Variants in MINDY3 observed in about 807,000 individuals in gnomAD.
The protein encoded by MINDY3 is MINDY lysine 48 deubiquitinase 3.
A neutral mutation model predicts 69.2 loss-of-function variants in MINDY3; 38 were observed. The ratio of observed to expected loss-of-function variants is 0.55; its 90% confidence interval spans 0.42 to 0.72. MINDY3 has a LOEUF of 0.72. MINDY3 is among the 30% of genes least tolerant of loss of function. MINDY3 has a pLI of 0.00. For synonymous variants in MINDY3, 192 were observed against 180.1 expected (o/e 1.07, Z -0.53); for missense variants, 522 against 519.0 (o/e 1.01, Z -0.06).
Position 15,821,638 on chromosome 10 carries a change from C to T in MINDY3, c.801+18G>A, listed in dbSNP as rs369442931. 2 of 1,580,214 alleles carry T rather than the reference C, an allele frequency of 1.3e-6. No homozygotes were observed. The highest frequency in any genetic ancestry group is 2.7e-5 in the African/African-American group (2 of 73,378). ...ATCTAAACAAAAAACATTCAAAGTA[C>T]CTTAAAAATCAATTTACCTTACAGT... On this transcript the variant is annotated intron_variant, in intron 9 of 14. Coordinates refer to ENST00000277632, the MANE Select transcript of MINDY3 (RefSeq NM_024948.4).
intron 1 of MINDY3, among the ~76,000 whole-genome samples, chr10:15,850,085 C>T (rs1015307300): frequency 6.6e-6 from 1 of 152,178 alleles, no homozygotes; most frequent in Non-Finnish European, 1.5e-5. Flanking sequence ...TTTCTTACGC[C>T]TGTCTTTACT....
At chr10:15,809,693 A>G (rs1010417725) in intron 10 of MINDY3, among the ~76,000 whole-genome samples, 38 of 152,132 alleles carry the variant, frequency 2.5e-4, no homozygotes, top group Non-Finnish European at 4.9e-4. Context: ...TGCAGTTCCT[A>G]TAAGGTTCCT....
chr10:15,814,348 C>A (rs1216054627), intron 10 of MINDY3, among the ~76,000 whole-genome samples: 1 of 151,910 alleles, frequency 6.6e-6, no homozygotes, highest in Non-Finnish European at 1.5e-5. Flanking sequence ...ATAGATACTA[C>A]ACAATGAAGC....
chr10:15,789,061 CAATTT>C (rs998884532), intron 12 of MINDY3, 181 bp downstream of exon 12: 21 of 421,958 alleles, frequency 5.0e-5, no homozygotes, highest in African/African-American at 1.6e-4. Flanking sequence ...AAAGGAAACT[CAATTT>C]AAGTATGTCA....
At chr10:15,847,991 C>T (rs1443388450) in intron 1 of MINDY3, 48 bp from the exon 2 acceptor site, 2 of 1,442,820 alleles carry the variant, frequency 1.4e-6, no homozygotes, top group East Asian at 2.3e-5. Context: ...ATTCAAGTAG[C>T]AGCTAAAAGA....
intron 10 of MINDY3, among the ~76,000 whole-genome samples, chr10:15,800,709 A>G (rs1437716587): frequency 1.3e-5 from 2 of 152,158 alleles, no homozygotes; most frequent in Non-Finnish European, 2.9e-5. Flanking sequence ...CCATGGATTG[A>G]GGTCTGCTGC....
At chr10:15,820,618 T>C (rs1811390499) in intron 9 of MINDY3, among the ~76,000 whole-genome samples, 1 of 152,216 alleles carries the variant, frequency 6.6e-6, no homozygotes, top group African/African-American at 2.4e-5. Context: ...GAAAATACTG[T>C]TTAACCATAT....
At chr10:15,792,845 T>C (rs1051024663) in intron 11 of MINDY3, among the ~76,000 whole-genome samples, 5 of 152,122 alleles carry the variant, frequency 3.3e-5, no homozygotes, top group East Asian at 1.9e-4. Flanking sequence ...ACACTACCTA[T>C]GTAGACCTTG....
intron 10 of MINDY3, among the ~76,000 whole-genome samples, chr10:15,803,042 T>G (rs1838377486): frequency 6.6e-6 from 1 of 152,202 alleles, no homozygotes; most frequent in Admixed American, 6.5e-5. Context: ...TACATAGTCT[T>G]CTAAAGTGAT....
chr10:15,781,326 A>G (rs1429720369), intron 14 of MINDY3, among the ~76,000 whole-genome samples: 2 of 151,124 alleles, frequency 1.3e-5, no homozygotes, highest in Non-Finnish European at 3.0e-5. Context: ...ACATGAAGTC[A>G]GCATGGGCAG....
chr10:15,843,324 T>C (rs1420067592), intron 2 of MINDY3, 52 bp from the exon 3 acceptor site: 3 of 1,384,056 alleles, frequency 2.2e-6, no homozygotes, highest in Non-Finnish European at 3.1e-6. Context: ...CCATACATCA[T>C]ATCATTCTTC....
chr10:15,821,916 G>A (rs777580318), intron 8 of MINDY3, among the ~76,000 whole-genome samples, 190 bp from the exon 9 acceptor site: 1 of 150,482 alleles, frequency 6.6e-6, no homozygotes, highest in Non-Finnish European at 1.5e-5. Context: ...CATTAGATCA[G>A]GTTTGTGGTG....
rs939649630 is a variant in MINDY3 at position 15,860,394 on chromosome 10, G to A, written c.-95C>T. On this transcript the variant is annotated 5_prime_UTR_variant, in exon 1 of 15. Coordinates refer to ENST00000277632, the MANE Select transcript of MINDY3 (RefSeq NM_024948.4). ...CGGAAACAGCAGCTGCGGGACGGCG[G>A]CGGCAAACGAATTGGAAGGTGAGGC... The A allele has an allele frequency of 8.9e-6, 8 of 898,094 alleles. No homozygotes were observed. In the African/African-American group the frequency reaches 1.3e-4, roughly 15 times the overall value. The allele number at this position is 898,094 out of a possible 1,614,324, so 55.6% of individuals were successfully genotyped here.
At chr10:15,786,294 C>T (rs1836951263) in intron 13 of MINDY3, among the ~76,000 whole-genome samples, 1 of 152,116 alleles carries the variant, frequency 6.6e-6, no homozygotes, top group African/African-American at 2.4e-5. Context: ...TCTCTTTTTA[C>T]TCCTCAAACT....
chr10:15,822,921 T>G (rs143335540), intron 8 of MINDY3, among the ~76,000 whole-genome samples: 9 of 152,262 alleles, frequency 5.9e-5, no homozygotes, highest in African/African-American at 2.2e-4. Flanking sequence ...CCATAATATA[T>G]CTAAAAAGCA....
Position 15,860,248 on chromosome 10 carries a change from T to A in MINDY3, c.52A>T (p.Ser18Cys). The A allele has an allele frequency of 1.2e-6, 2 of 1,611,056 alleles. No homozygotes were observed. The highest frequency in any genetic ancestry group is 1.7e-5 in the Admixed American group (1 of 59,660). ...AAAATGGTGTCCGAGAGACCGGGGC[T>A]GCTCTTGGTGCCCCACACCAGCTCC... Reference protein sequence around the residue: ...LMELVWGTKSSPGLSDTIFCR... With the variant: ...LMELVWGTKSCPGLSDTIFCR... The change falls in exon 1 of 15, where the codon AGC becomes TGC. Residue 18 changes from serine (S) to cysteine (C), a missense_variant. Ser to Cys is a moderately radical substitution (Grantham distance 112). Transcript: ENST00000277632.
chr10:15,846,183 T>C (rs1298286522), intron 2 of MINDY3, among the ~76,000 whole-genome samples: 2 of 152,170 alleles, frequency 1.3e-5, no homozygotes, highest in African/African-American at 2.4e-5. Context: ...GGATTTTGAA[T>C]ATAACCATCA....
At chr10:15,850,304 G>C (rs1371082130) in intron 1 of MINDY3, among the ~76,000 whole-genome samples, 1 of 152,052 alleles carries the variant, frequency 6.6e-6, no homozygotes, top group African/African-American at 2.4e-5. Flanking sequence ...ATGAAATTTG[G>C]GCACCCAAAA....
At chr10:15,785,664 T>C (rs189732479) in intron 13 of MINDY3, among the ~76,000 whole-genome samples, 10 of 152,306 alleles carry the variant, frequency 6.6e-5, no homozygotes, top group Admixed American at 4.6e-4. Flanking sequence ...GTAGTCTACA[T>C]TGTCTACATT....
Sources: gnomAD v4.1 joint callset for allele counts (sites outside exome capture counted in the v4.1 genomes callset) on GRCh38, gnomAD v4.1.1 for gene constraint, MANE v1.5 for transcripts, NCBI Gene and HGNC (gene_info 2026-07-23, HGNC 2026-07-21) for gene names.